The following FRAS1 variants were observed in gnomAD, a reference collection of about 807,000 sequenced individuals.
FRAS1 encodes Fraser extracellular matrix complex subunit 1.
A neutral mutation model predicts 435.2 loss-of-function variants in FRAS1; 290 were observed. The observed-to-expected ratio is 0.67, with a 90% CI of 0.61 to 0.73. The LOEUF is 0.73. Among genes scored for constraint, FRAS1 ranks in the 30% least tolerant of loss-of-function variants. The pLI, the probability that FRAS1 is intolerant of heterozygous loss-of-function variation, is 0.00. For missense variants in FRAS1, 4,860 were observed against 5,001.5 expected (o/e 0.97, Z 0.85); for synonymous variants, 1,800 against 1,851.0 (o/e 0.97, Z 0.71).
At position 78,516,000 on chromosome 4, in the gene FRAS1, C is replaced by T. The variant is rs368797461; in HGVS notation, c.10376C>T (p.Thr3459Ile). The T allele has an allele frequency of 1.7e-5, 28 of 1,612,940 alleles. No homozygotes were observed. The highest frequency in any genetic ancestry group is 2.3e-5 in the Non-Finnish European group (27 of 1,179,422). ...ATTGACGTCTGTGGGGGCTCTGTAA[C>T]CGCTGACTTCCAGGTAGGTGCCCCG... ...ELIDVCGGSV[T>I]ADFQVRDSAQ... The change falls in exon 66 of 74, where the codon ACC becomes ATC. Residue 3459 changes from threonine (T) to isoleucine (I), a missense_variant. Transcript: ENST00000512123.
chr4:78,209,478 A>G (rs1723412975), intron 2 of FRAS1, among the ~76,000 whole-genome samples: 1 of 152,112 alleles, frequency 6.6e-6, no homozygotes. Context: ...CCAAAAGACC[A>G]CAGCTCTTTT....
At chr4:78,275,910 T>C (rs1303065986) in intron 9 of FRAS1, among the ~76,000 whole-genome samples, 1 of 152,246 alleles carries the variant, frequency 6.6e-6, no homozygotes, top group African/African-American at 2.4e-5. Context: ...TGCAGAGTGT[T>C]TTCCAAGTTG....
intron 14 of FRAS1, among the ~76,000 whole-genome samples, chr4:78,293,422 C>T (rs2110197085): frequency 6.6e-6 from 1 of 152,340 alleles, no homozygotes; most frequent in East Asian, 1.9e-4. Flanking sequence ...GATGACCTAT[C>T]TTCCATTTGG....
rs185009989 is a variant in FRAS1, at chr4:78,436,009, A to C, written c.5218-2561A>C. Among the ~76,000 whole-genome samples, 204 of 152,310 alleles carry C rather than the reference A, an allele frequency of 1.3e-3. 1 individual carries two copies. Among genetic ancestry groups the C allele is most frequent in the African/African-American group, 4.6e-3 (193 of 41,574 alleles). ...CTTAAACTAGAAACAAAAAGGTCTA[A>C]CTATAAAAGATTGGTAAATTTGACT... On this transcript the variant is annotated intron_variant, in intron 38 of 73. Transcript: ENST00000512123.
At chr4:78,193,492 T>C (rs1015921558) in intron 2 of FRAS1, among the ~76,000 whole-genome samples, 1 of 152,236 alleles carries the variant, frequency 6.6e-6, no homozygotes, top group Non-Finnish European at 1.5e-5. Context: ...TAATTAGCTC[T>C]GCTTGTTGAA....
intron 15 of FRAS1, among the ~76,000 whole-genome samples, chr4:78,313,163 G>A (rs168283): frequency 0.76 from 116,034 of 152,088 alleles, 44,958 homozygotes; most frequent in African/African-American, 0.89. Flanking sequence ...TTCTAGAATT[G>A]GAAACCTCAG....
intron 2 of FRAS1, among the ~76,000 whole-genome samples, chr4:78,157,802 A>G (rs1324352236): frequency 6.6e-6 from 1 of 152,110 alleles, no homozygotes; most frequent in African/African-American, 2.4e-5. Flanking sequence ...TGCTGTGCAG[A>G]AAGTCTTTAG....
At chr4:78,326,006 C>T (rs759940003) in intron 18 of FRAS1, among the ~76,000 whole-genome samples, 6 of 152,104 alleles carry the variant, frequency 3.9e-5, no homozygotes, top group Non-Finnish European at 8.8e-5. Context: ...TGCAGAATGA[C>T]GCTGGAGATG....
intron 59 of FRAS1, among the ~76,000 whole-genome samples, chr4:78,492,020 G>A (rs6833850): frequency 0.026 from 3,886 of 152,216 alleles, 190 homozygotes; most frequent in African/African-American, 0.087. Flanking sequence ...TAAACAGAGA[G>A]CCAAATCATG....
At chr4:78,342,300 G>A (rs112768829) in intron 20 of FRAS1, among the ~76,000 whole-genome samples, 6 of 152,152 alleles carry the variant, frequency 3.9e-5, no homozygotes, top group African/African-American at 9.7e-5. Flanking sequence ...CCAGCACACC[G>A]CCAAGAGTAA....
intron 6 of FRAS1, among the ~76,000 whole-genome samples, chr4:78,263,011 G>T (rs1726186367): frequency 6.6e-6 from 1 of 152,176 alleles, no homozygotes; most frequent in African/African-American, 2.4e-5. Flanking sequence ...ACAAAAACAG[G>T]CAGTGGGCTG....
intron 69 of FRAS1, among the ~76,000 whole-genome samples, 157 bp from the exon 70 acceptor site, chr4:78,526,384 T>C (rs892422793): frequency 3.3e-5 from 5 of 152,218 alleles, no homozygotes; most frequent in Admixed American, 3.3e-4. Flanking sequence ...TAATTGAAGA[T>C]GAGTTCCCGA....
intron 62 of FRAS1, among the ~76,000 whole-genome samples, chr4:78,507,923 G>GTT (rs1720895835): frequency 1.3e-5 from 2 of 152,182 alleles, no homozygotes; most frequent in African/African-American, 4.8e-5. Context: ...ATAGTGTTGA[G>GTT]GGTAAGAAAC....
intron 18 of FRAS1, among the ~76,000 whole-genome samples, chr4:78,324,257 G>A (rs6820805): frequency 1.3e-5 from 2 of 151,906 alleles, no homozygotes; most frequent in African/African-American, 2.4e-5. Context: ...GCTTTAGCAA[G>A]TTTTAAAAAA....
At chr4:78,225,972 CT>C (rs1724251638) in intron 2 of FRAS1, among the ~76,000 whole-genome samples, 1 of 152,070 alleles carries the variant, frequency 6.6e-6, no homozygotes, top group South Asian at 2.1e-4. Context: ...TTTTCCCCTT[CT>C]TTTTGTCTTT....
chr4:78,337,129 A>G (rs1730201135), intron 19 of FRAS1, among the ~76,000 whole-genome samples: 1 of 152,144 alleles, frequency 6.6e-6, no homozygotes, highest in Non-Finnish European at 1.5e-5. Context: ...TTTGTATTTT[A>G]ATTAAGTATT....
At chr4:78,101,583 C>T (rs1334721570) in intron 2 of FRAS1, among the ~76,000 whole-genome samples, 1 of 151,948 alleles carries the variant, frequency 6.6e-6, no homozygotes, top group South Asian at 2.1e-4. Flanking sequence ...CATTAGTTAC[C>T]TATGGCAGAA....
At chr4:78,245,109 C>A (rs1725169690) in intron 3 of FRAS1, 124 bp from the exon 4 acceptor site, 2 of 714,420 alleles carry the variant, frequency 2.8e-6, no homozygotes, top group Non-Finnish European at 5.1e-6. Context: ...TTTATCCCAT[C>A]TGTTGTTGTC....
chr4:78,453,707 G>A (rs1719094625), intron 47 of FRAS1, among the ~76,000 whole-genome samples: 1 of 152,158 alleles, frequency 6.6e-6, no homozygotes, highest in South Asian at 2.1e-4. Flanking sequence ...GGCTGAGACA[G>A]GAGGATTGCT....
Sources: allele counts gnomAD v4.1 joint callset (sites outside exome capture counted in the v4.1 genomes callset), GRCh38; gene constraint gnomAD v4.1.1; transcripts MANE v1.5; gene names NCBI Gene and HGNC (gene_info 2026-07-23, HGNC 2026-07-21).